Variants in BOD1L1 observed in about 807,000 individuals in gnomAD.
The protein encoded by BOD1L1 is biorientation of chromosomes in cell division protein 1-like 1.
A neutral mutation model predicts 240.7 loss-of-function variants in BOD1L1; 86 were observed. That is an observed-to-expected ratio of 0.36 (90% CI 0.30 to 0.43). BOD1L1 has a LOEUF of 0.43. BOD1L1 is among the 20% of genes least tolerant of loss of function. BOD1L1 has a pLI of 1.00. For synonymous variants in BOD1L1, 1,268 were observed against 1,272.3 expected, an observed-to-expected ratio of 1.00 and a Z score of 0.07; for missense variants, 3,554 against 3,643.5, an observed-to-expected ratio of 0.98 and a Z score of 0.63.
chr4:13,610,579 G>T (rs1313865892), intron 6 of BOD1L1, among the ~76,000 whole-genome samples: 1 of 152,102 alleles, frequency 6.6e-6, no homozygotes, highest in Non-Finnish European at 1.5e-5. Flanking sequence ...TACTCTTCAG[G>T]CTATGTGCAT....
In BOD1L1 at chr4:13,603,456, G is replaced by A. The variant is rs756658684; in HGVS notation, c.3444C>T (p.Asp1148=). ...TTTGTTTCATATTTTCAGAGTCAAT[G>A]TCTTGCTGAGAATTATTATTGCGGT... is the stretch of plus-strand genomic sequence containing the variant. ...QDNRNNNSQQ[D]IDSENMKQKT... The change falls in exon 10 of 26, where the codon GAC becomes GAT. Residue 1148 remains aspartate, a synonymous_variant. Transcript: ENST00000040738. 5 of 1,613,880 alleles carry A rather than the reference G, an allele frequency of 3.1e-6. No homozygotes were observed. Among genetic ancestry groups the A allele is most frequent in the Non-Finnish European group, 4.2e-6 (5 of 1,179,846 alleles).
intron 12 of BOD1L1, 30 bp downstream of exon 12, chr4:13,595,830 C>T: frequency 6.3e-7 from 1 of 1,586,256 alleles, no homozygotes; most frequent in Non-Finnish European, 8.6e-7. Context: ...AAAACAAAAA[C>T]AATGTGAACA....
chr4:13,609,808 A>C (rs1033785312), intron 6 of BOD1L1, among the ~76,000 whole-genome samples: 1 of 152,190 alleles, frequency 6.6e-6, no homozygotes, highest in African/African-American at 2.4e-5. Flanking sequence ...CTGTTCTTAT[A>C]GAAAACAGTT....
Position 13,604,300 on chromosome 4 carries a change from C to G in BOD1L1, c.2600G>C (p.Arg867Thr), listed in dbSNP as rs1271768164. The change falls in exon 10 of 26, where the codon AGA becomes ACA. Residue 867 changes from arginine to threonine, a missense_variant. Transcript: ENST00000040738. Reference protein sequence around the residue: ...SKQHGITLQRRSESYSEDKCD... With the variant: ...SKQHGITLQRTSESYSEDKCD... ...CTTATCTTCCGAATAACTTTCACTT[C>G]TTCTCTGTAATGTGATACCATGTTG... is the stretch of plus-strand genomic sequence containing the variant. The G allele has an allele frequency of 6.2e-7, 1 of 1,604,726 alleles. No individual in the cohort carries two copies. Among genetic ancestry groups the G allele is most frequent in the Non-Finnish European group, 8.5e-7 (1 of 1,177,536 alleles).
chr4:13,578,833 T>C (rs372769698), intron 22 of BOD1L1, among the ~76,000 whole-genome samples: 2 of 152,362 alleles, frequency 1.3e-5, no homozygotes, highest in African/African-American at 4.8e-5. Context: ...GAGTGACAGG[T>C]AGAATTCTTT....
Position 13,601,540 on chromosome 4 carries a change from C to T in BOD1L1, c.5360G>A (p.Gly1787Asp), listed in dbSNP as rs1715162510. ...CCCCGTGCTGGTGACTGCACTCTCA[C>T]CTTCTGTACCATCATTCACAGAACC... ...GDGSVNDGTEGESAVTSTGIT... is the reference protein window; with the variant it reads ...GDGSVNDGTEDESAVTSTGIT... Residue 1787 changes from glycine (G) to aspartate (D), a missense_variant, in exon 10 of 26, where the codon GGT becomes GAT. Physicochemically the swap from Gly to Asp is moderately conservative, Grantham distance 94. Transcript: ENST00000040738. 3 of 1,613,940 alleles carry T rather than the reference C, an allele frequency of 1.9e-6. No homozygotes were observed. The highest frequency in any genetic ancestry group is 1.7e-5 in the Admixed American group (1 of 60,012).
chr4:13,604,473 A>C lies in BOD1L1; in HGVS notation c.2427T>G (p.Val809=). The part of the protein sequence containing the change: ...LSVLGKDGKP[V]SEYIIKTDEN... Reference sequence around the variant, plus strand: ...CATCTGTTTTTATAATATATTCAGAAACTGGCTTTCCATCTTTGCCTAATA... The same window carrying C: ...CATCTGTTTTTATAATATATTCAGACACTGGCTTTCCATCTTTGCCTAATA... The change falls in exon 10 of 26, where the codon GTT becomes GTG. Residue 809 remains valine, a synonymous_variant. Coordinates refer to ENST00000040738, the MANE Select transcript of BOD1L1 (RefSeq NM_148894.3). 6.5e-7 allele frequency: 1 copy of C among 1,538,936 alleles called. No individual in the cohort carries two copies.
Position 13,599,383 on chromosome 4 carries a change from C to G in BOD1L1, c.7517G>C (p.Arg2506Thr). 1.2e-6 allele frequency: 2 copies of G among 1,613,992 alleles called. No individual in the cohort carries two copies. The highest frequency in any genetic ancestry group is 1.7e-6 in the Non-Finnish European group (2 of 1,179,884). ...EGNANSPAHL[R>T]GPEQTSGQTA... ...CTGCCCAGACGTCTGTTCTGGTCCT[C>G]TCAGGTGGGCAGGTGAGTTAGCATT... Residue 2506 changes from arginine to threonine, a missense_variant, in exon 10 of 26, where the codon AGA becomes ACA. This residue lies in a region of BOD1L1 where 3,393 missense variants were observed against 3,427.1 expected (regional missense o/e 0.99). Transcript: ENST00000040738.
At chr4:13,584,784 A>G (rs974194330) in intron 17 of BOD1L1, among the ~76,000 whole-genome samples, 2 of 152,130 alleles carry the variant, frequency 1.3e-5, no homozygotes, top group African/African-American at 2.4e-5. Flanking sequence ...TGGTCTTACT[A>G]TACACATTTT....
Position 13,614,454 on chromosome 4 carries a change from C to T in BOD1L1, c.916G>A (p.Asp306Asn). The T allele has an allele frequency of 6.2e-7, 1 of 1,612,250 alleles. No homozygotes were observed. ...EHNNLILLNKDVQQESSEQKN... is the reference protein window; with the variant it reads ...EHNNLILLNKNVQQESSEQKN... ...TGCTCACTGCTTTCCTGTTGAACAT[C>T]CTTATTTAGCAGAATTAAATTATTA... The change falls in exon 4 of 26, where the codon GAT becomes AAT. Residue 306 changes from aspartate (D) to asparagine (N), a missense_variant. Asp to Asn is a conservative substitution (Grantham distance 23). Transcript: ENST00000040738.
At position 13,603,738 on chromosome 4, in the gene BOD1L1, C is replaced by T. The variant is rs763733380; in HGVS notation, c.3162G>A (p.Lys1054=). 3 of 1,613,784 alleles carry T rather than the reference C, an allele frequency of 1.9e-6. No homozygotes were observed. Among genetic ancestry groups the T allele is most frequent in the African/African-American group, 1.3e-5 (1 of 74,916 alleles). ...DGKEVDSSHE[K]ARGNSSLMEK... ...CCATGAGTGAACTATTACCTCTGGC[C>T]TTTTCATGACTACTGTCAACTTCTT... is the stretch of plus-strand genomic sequence containing the variant. The change falls in exon 10 of 26, where the codon AAG becomes AAA. Residue 1054 remains lysine, a synonymous_variant. Transcript: ENST00000040738.
chr4:13,572,862 C>T, intron 25 of BOD1L1: 2 of 1,289,178 alleles, frequency 1.6e-6, no homozygotes, highest in Non-Finnish European at 2.0e-6. Context: ...ATTATAGAAA[C>T]ACTGGGCAAT....
Position 13,602,389 on chromosome 4 carries a change from T to A in BOD1L1, c.4511A>T (p.Asp1504Val), listed in dbSNP as rs750507209. Residue 1504 changes from aspartate (D) to valine (V), a missense_variant, in exon 10 of 26, where the codon GAT (aspartate) becomes GTT (valine). Transcript: ENST00000040738. ...VLHQRNGQTEDVATGPRRAEK... is the reference protein window; with the variant it reads ...VLHQRNGQTEVVATGPRRAEK... ...TGCTCTCCTAGGCCCAGTTGCCACA[T>A]CCTCAGTTTGTCCGTTCCTTTGGTG... 6.2e-7 allele frequency: 1 copy of A among 1,613,864 alleles called. No homozygotes were observed. The highest frequency in any genetic ancestry group is 1.3e-5 in the African/African-American group (1 of 74,934).
At chr4:13,610,520 A>C (rs1476142156) in intron 6 of BOD1L1, among the ~76,000 whole-genome samples, 1 of 152,232 alleles carries the variant, frequency 6.6e-6, no homozygotes, top group Non-Finnish European at 1.5e-5. Context: ...GTCAAAATGC[A>C]GTCAAAACTT....
intron 17 of BOD1L1, among the ~76,000 whole-genome samples, chr4:13,585,367 T>TA (rs1713585515): frequency 6.6e-6 from 1 of 152,012 alleles, no homozygotes; most frequent in Admixed American, 6.6e-5. Flanking sequence ...TAATAATTTA[T>TA]AAAAATATAA....
rs1461042281 is a variant in BOD1L1 at position 13,599,926 on chromosome 4, C to T, written c.6974G>A (p.Ser2325Asn). The change falls in exon 10 of 26, where the codon AGC becomes AAC. Residue 2325 changes from serine (S) to asparagine (N), a missense_variant. By Grantham distance (46) the Ser-to-Asn change is conservative. Coordinates refer to ENST00000040738, the MANE Select transcript of BOD1L1 (RefSeq NM_148894.3). ...GCTGGTGGAGATGATGGCAGCATCG[C>T]TCAAGTCTTCTACTCTTGTGATGGT... ...RLTITRVEDL[S>N]DAAIISTSTA... 1.2e-6 allele frequency: 2 copies of T among 1,613,570 alleles called. No individual in the cohort carries two copies. Among genetic ancestry groups the T allele is most frequent in the South Asian group, 1.1e-5 (1 of 90,954 alleles).
chr4:13,624,946 T>C (rs964346810), intron 1 of BOD1L1: 13 of 152,224 alleles, frequency 8.5e-5, no homozygotes, highest in Non-Finnish European at 7.3e-5. Context: ...GATGGTTCTT[T>C]GCATGAACAG....
intron 25 of BOD1L1, chr4:13,572,849 C>T (rs1386715969): frequency 7.8e-7 from 1 of 1,289,400 alleles, no homozygotes; most frequent in East Asian, 5.5e-5. Flanking sequence ...CTTTCTGAAA[C>T]AGATTATAGA....
Position 13,604,856 on chromosome 4 carries a change from G to T in BOD1L1, c.2044C>A (p.Arg682Ser), listed in dbSNP as rs768340636. ...DTRDVKRQVE[R>S]SEICTEEPQK... ...GGCTCTTCGGTGCAAATTTCTGAGC[G>T]TTCTACTTGCCTTTTTACATCTCTT... Residue 682 changes from arginine to serine, a missense_variant, in exon 10 of 26, where the codon CGC (arginine) becomes AGC (serine). Arg to Ser is a moderately radical substitution (Grantham distance 110). This residue lies in a region of BOD1L1 where 3,393 missense variants were observed against 3,427.1 expected (regional missense o/e 0.99). Coordinates refer to ENST00000040738, the MANE Select transcript of BOD1L1 (RefSeq NM_148894.3). 3.7e-6 allele frequency: 6 copies of T among 1,611,890 alleles called. No individual in the cohort carries two copies. The South Asian group carries it at 6.6e-5, about 18-fold the overall frequency.
Sources: gnomAD v4.1 joint callset for allele counts (sites outside exome capture counted in the v4.1 genomes callset) on GRCh38, gnomAD v4.1.1 for gene constraint, gnomAD v4.1.1 regional missense constraint, MANE v1.5 for transcripts, NCBI Gene and HGNC (gene_info 2026-07-23, HGNC 2026-07-21) for gene names.